SCYL1: variants seen among roughly 807,000 people sequenced by gnomAD.
SCYL1 encodes the protein SCY1 like pseudokinase 1.
Under a neutral mutation model 94.8 loss-of-function variants are expected in SCYL1, and 85 were observed. The ratio of observed to expected loss-of-function variants is 0.90; its 90% CI spans 0.75 to 1.07. The LOEUF is 1.07. SCYL1 is among the 50% of genes least tolerant of loss of function. SCYL1 has a pLI of 0.00. For missense variants in SCYL1, 968 were observed against 1,083.3 expected (o/e 0.89, Z 1.49); for synonymous variants, 459 against 435.5 (o/e 1.05, Z -0.67).
At position 65,525,218 on chromosome 11, in the gene SCYL1, A is replaced by G; in HGVS notation, c.65A>G (p.Glu22Gly). 1 of 1,456,096 alleles carries G rather than the reference A, an allele frequency of 6.9e-7. No homozygotes were observed. Among genetic ancestry groups the G allele is most frequent in the Non-Finnish European group, 9.1e-7 (1 of 1,100,118 alleles). 90.2% of individuals were successfully genotyped at this position (1,456,096 alleles called of 1,614,324 possible). The part of the protein sequence containing the change: ...FPFELIPEPP[E>G]GGLPGPWALH... ...TTCGAGCTCATCCCGGAGCCCCCAG[A>G]GGGCGGCCTGCCCGGGCCCTGGGCC... Residue 22 changes from glutamate (E) to glycine (G), a missense_variant, in exon 1 of 18, where the codon GAG (glutamate) becomes GGG (glycine). Glu to Gly is a moderately conservative substitution (Grantham distance 98, BLOSUM62 -2). This residue lies in a region of SCYL1 where 494 missense variants were observed against 619.7 expected (regional missense o/e 0.80). Coordinates refer to ENST00000270176, the MANE Select transcript of SCYL1 (RefSeq NM_020680.4).
Position 65,530,738 on chromosome 11 carries a change from C to T in SCYL1, c.959C>T (p.Ala320Val). 1.2e-6 allele frequency: 2 copies of T among 1,614,034 alleles called. No individual in the cohort carries two copies. The highest frequency in any genetic ancestry group is 1.7e-6 in the Non-Finnish European group (2 of 1,180,016). The change falls in exon 7 of 18, where the codon GCC (alanine) becomes GTC (valine). Residue 320 changes from alanine to valine, a missense_variant. Coordinates refer to ENST00000270176, the MANE Select transcript of SCYL1 (RefSeq NM_020680.4). ...RHKVLPQLLT[A>V]FEFGNAGAVV... ...AAGGTGCTGCCCCAGCTGCTGACCG[C>T]CTTCGAGTTCGGCAATGCTGGGGCC...
rs150830865 is a variant in SCYL1, at chr11:65,535,804, A to G, written c.1387-149A>G. 814 of 775,004 alleles carry G rather than the reference A, an allele frequency of 1.1e-3. 1 individual carries two copies. Among genetic ancestry groups the G allele is most frequent in the Non-Finnish European group, 1.6e-3 (772 of 495,250 alleles). 48.0% of individuals were successfully genotyped at this position (775,004 alleles called of 1,614,324 possible). On this transcript the variant is annotated intron_variant, in intron 10 of 17. Coordinates refer to ENST00000270176, the MANE Select transcript of SCYL1 (RefSeq NM_020680.4). ...AAGAGAAGCCCAGGTCCAGAGTTTT[A>G]GGTCAACTCTCCCCATTTAAGTGAT...
At position 65,538,511 on chromosome 11, in the gene SCYL1, C is replaced by T. The variant is rs1206742980; in HGVS notation, c.2372C>T (p.Ala791Val). Residue 791 changes from alanine to valine, a missense_variant, in exon 18 of 18, where the codon GCC (alanine) becomes GTC (valine). Ala to Val is a moderately conservative substitution (Grantham distance 64). Transcript: ENST00000270176. ...CGGCGGGAGATGGAGGCCAAACGCGCCGAGAGGAAGGTGGCCAAGGGCCCC... is the reference window on the plus strand; with the variant it reads ...CGGCGGGAGATGGAGGCCAAACGCGTCGAGAGGAAGGTGGCCAAGGGCCCC... ...ERRREMEAKR[A>V]ERKVAKGPMK... 6.2e-7 allele frequency: 1 copy of T among 1,608,590 alleles called. No homozygotes were observed. Among genetic ancestry groups the T allele is most frequent in the South Asian group, 1.1e-5 (1 of 90,454 alleles).
chr11:65,536,191 AG>A, intron 11 of SCYL1, 50 bp downstream of exon 11: 1 of 1,605,736 alleles, frequency 6.2e-7, no homozygotes. Context: ...AGGGGATGTC[AG>A]CCCCTAGCTG....
Position 65,531,689 on chromosome 11 carries a change from G to A in SCYL1, c.1116+6G>A, listed in dbSNP as rs746418166. 8 of 1,605,614 alleles carry A rather than the reference G, an allele frequency of 5.0e-6. No homozygotes were observed. In the South Asian group the frequency reaches 8.8e-5, roughly 18 times the overall value. ...GCATCCGCCTCCTGCAGCAGGTGAG[G>A]CCTCTGTACCAGACTCTGTGGTGGT... On this transcript the variant is annotated splice_donor_region_variant and intron_variant, in intron 8 of 17. Coordinates refer to ENST00000270176, the MANE Select transcript of SCYL1 (RefSeq NM_020680.4).
intron 6 of SCYL1, among the ~76,000 whole-genome samples, 158 bp downstream of exon 6, chr11:65,527,275 C>G (rs1447942180): frequency 6.6e-6 from 1 of 152,154 alleles, no homozygotes; most frequent in Admixed American, 6.6e-5. Context: ...CATACTTACT[C>G]TGTGACTTCC....
At chr11:65,535,105 T>C in intron 9 of SCYL1, 122 bp from the exon 10 acceptor site, 1 of 1,271,922 alleles carries the variant, frequency 7.9e-7, no homozygotes, top group South Asian at 1.4e-5. Context: ...AGGCCCAGGC[T>C]GGGAGGTGGC....
In SCYL1 at chr11:65,530,677, A is replaced by C; in HGVS notation, c.898A>C (p.Ser300Arg). The change falls in exon 7 of 18, where the codon AGC becomes CGC. Residue 300 changes from serine to arginine, a missense_variant. Around this residue, in one of 2 missense-constraint regions of SCYL1, gnomAD observed 494 missense variants for 619.7 expected, o/e 0.80. Transcript: ENST00000270176. ...KQKFFQELSKSLDAFPEDFCR... is the reference protein window; with the variant it reads ...KQKFFQELSKRLDAFPEDFCR... ...AAAATTCTTCCAGGAGCTGAGCAAG[A>C]GCCTGGACGCATTCCCTGAGGATTT... 1 of 1,614,094 alleles carries C rather than the reference A, an allele frequency of 6.2e-7. No individual in the cohort carries two copies. Among genetic ancestry groups the C allele is most frequent in the Non-Finnish European group, 8.5e-7 (1 of 1,180,002 alleles).
intron 6 of SCYL1, among the ~76,000 whole-genome samples, chr11:65,529,964 G>A (rs971941659): frequency 2.6e-5 from 4 of 152,170 alleles, no homozygotes; most frequent in Non-Finnish European, 5.9e-5. Flanking sequence ...GATAATCTGT[G>A]TAAAGGTTTT....
At chr11:65,536,943 T>C (rs751206832) in intron 13 of SCYL1, 43 bp from the exon 14 acceptor site, 1 of 1,532,330 alleles carries the variant, frequency 6.5e-7, no homozygotes, top group Non-Finnish European at 9.0e-7. Flanking sequence ...CTCTGCCCTG[T>C]CCCAAGACCC....
rs1590719951 is a variant in SCYL1 at position 65,525,881 on chromosome 11, T to G, written c.253-40T>G. On this transcript the variant is annotated intron_variant, in intron 2 of 17. Coordinates refer to ENST00000270176, the MANE Select transcript of SCYL1 (RefSeq NM_020680.4). Reference sequence around the variant, plus strand: ...AAGTCGCTTATCTCTCCTTCCTCTCTGCCCCTCCGCCCTTGATAACCCTGT... The same window carrying G: ...AAGTCGCTTATCTCTCCTTCCTCTCGGCCCCTCCGCCCTTGATAACCCTGT... The G allele has an allele frequency of 4.4e-6, 7 of 1,602,240 alleles. No homozygotes were observed. In the East Asian group the frequency reaches 1.6e-4, roughly 36 times the overall value.
chr11:65,535,771 G>C (rs1238428680), intron 10 of SCYL1, 182 bp from the exon 11 acceptor site: 1 of 646,614 alleles, frequency 1.5e-6, no homozygotes, highest in Non-Finnish European at 2.6e-6. Flanking sequence ...GGAACCCAGT[G>C]ATTTGGGAAG....
intron 9 of SCYL1, 82 bp from the exon 10 acceptor site, chr11:65,535,140 CTGGGA>C: frequency 1.3e-6 from 2 of 1,547,914 alleles, no homozygotes; most frequent in Non-Finnish European, 1.8e-6. Context: ...TGGGTGTGCT[CTGGGA>C]TGAGGGCTGC....
In SCYL1 at chr11:65,526,210, G is replaced by A; in HGVS notation, c.462G>A (p.Glu154=). 1 of 1,613,478 alleles carries A rather than the reference G, an allele frequency of 6.2e-7. No homozygotes were observed. The highest frequency in any genetic ancestry group is 1.3e-5 in the African/African-American group (1 of 75,068). ...CCGTGTTCGTGGACCGAGCTGGCGA[G>A]TGGAAGCTTGGGGGCCTGGACTACA... The part of the protein sequence containing the change: ...MAAVFVDRAG[E]WKLGGLDYMY... Residue 154 remains glutamate (E), a synonymous_variant, in exon 4 of 18, where the codon GAG becomes GAA. Transcript: ENST00000270176. The surrounding 1 kb of genome is among the most constrained non-coding windows in gnomAD (Gnocchi z 4.1).
chr11:65,535,280 G>C lies in SCYL1; in HGVS notation c.1284G>C (p.Leu428=). ...ACGAGGCCAACCTCAATGTGGAGCT[G>C]ATGAAGCACTTTGCACGGCTACAGG... ...KLNEANLNVE[L]MKHFARLQAK... The change falls in exon 10 of 18, where the codon CTG becomes CTC. Residue 428 remains leucine (L), a synonymous_variant. Transcript: ENST00000270176. The C allele has an allele frequency of 6.2e-7, 1 of 1,614,238 alleles. No individual in the cohort carries two copies. The highest frequency in any genetic ancestry group is 8.5e-7 in the Non-Finnish European group (1 of 1,180,044).
At position 65,525,726 on chromosome 11, in the gene SCYL1, C is replaced by T. The variant is rs751963248; in HGVS notation, c.252+12C>T. On this transcript the variant is annotated intron_variant, in intron 2 of 17. Transcript: ENST00000270176. The stretch of plus-strand genomic sequence containing the variant: ...TCGATGGACTGGAGGTACCTGCTGC[C>T]TTGCCTGCCCGTCTCTGCCCCTCAC... 1.3e-5 allele frequency: 21 copies of T among 1,612,094 alleles called. No homozygotes were observed. In the East Asian group the frequency reaches 4.2e-4, roughly 33 times the overall value.
At position 65,538,647 on chromosome 11, in the gene SCYL1, G is replaced by C; in HGVS notation, c.*81G>C. The C allele has an allele frequency of 6.9e-7, 1 of 1,455,722 alleles. No individual in the cohort carries two copies. The highest frequency in any genetic ancestry group is 2.4e-5 in the East Asian group (1 of 41,688). 90.2% of individuals were successfully genotyped at this position (1,455,722 alleles called of 1,614,324 possible). ...TGTACAAACCATGTGAGCCCGGCCG[G>C]CCCAGCCAGGCCATCTCACGTGTAC... On this transcript the variant is annotated 3_prime_UTR_variant, in exon 18 of 18. Transcript: ENST00000270176.
At chr11:65,528,588 G>A (rs147662336) in intron 6 of SCYL1, among the ~76,000 whole-genome samples, 130 of 151,836 alleles carry the variant, frequency 8.6e-4, no homozygotes, top group African/African-American at 2.8e-3. Context: ...GAGAAACCCC[G>A]TCTCTACTAA....
chr11:65,530,618 C>T lies in SCYL1; in HGVS notation c.850-11C>T, dbSNP rs1361614056. 6.2e-7 allele frequency: 1 copy of T among 1,610,352 alleles called. No individual in the cohort carries two copies. Among genetic ancestry groups the T allele is most frequent in the East Asian group, 2.2e-5 (1 of 44,834 alleles). On this transcript the variant is annotated splice_polypyrimidine_tract_variant and intron_variant, in intron 6 of 17. Coordinates refer to ENST00000270176, the MANE Select transcript of SCYL1 (RefSeq NM_020680.4). ...TGATCTCTTCCCCGGGTCCCGTCCT[C>T]ACTCCCCCAGATCAAAGAGCCAGCC...
Sources: gnomAD v4.1 joint callset for allele counts (sites outside exome capture counted in the v4.1 genomes callset) on GRCh38, gnomAD v4.1.1 for gene constraint, gnomAD v4.1.1 regional missense constraint, Gnocchi (gnomAD v3.1) non-coding constraint, MANE v1.5 for transcripts, NCBI Gene and HGNC (gene_info 2026-07-23, HGNC 2026-07-21) for gene names.